The following MAP7 variants were observed in gnomAD, a reference collection of about 807,000 sequenced individuals.
MAP7 encodes ensconsin.
A neutral mutation model predicts 94.8 loss-of-function variants in MAP7; 52 were observed. The ratio of observed to expected loss-of-function variants is 0.55; its 90% CI spans 0.44 to 0.69. The LOEUF (loss-of-function observed/expected upper bound fraction) is 0.69. Ranked by LOEUF, MAP7 falls within the 30% of genes least tolerant of loss-of-function variation. MAP7 has a pLI of 0.00. For missense variants in MAP7, 940 were observed against 964.6 expected (o/e 0.97, Z 0.34); for synonymous variants, 350 against 357.0 (o/e 0.98, Z 0.22).
chr6:136,499,841 T>C (rs9494531), intron 1 of MAP7, among the ~76,000 whole-genome samples: 11,546 of 151,864 alleles, frequency 0.076, 1,009 homozygotes, highest in African/African-American at 0.21. Context: ...TCTACAAAAA[T>C]TAAAATGAGC....
chr6:136,416,615 G>A (rs536290100), intron 2 of MAP7, among the ~76,000 whole-genome samples: 1 of 152,064 alleles, frequency 6.6e-6, no homozygotes, highest in South Asian at 2.1e-4. Context: ...AGACCAGCCT[G>A]GGCAACATGG....
At chr6:136,519,228 G>T (rs1246403169) in intron 1 of MAP7, among the ~76,000 whole-genome samples, 2 of 151,992 alleles carry the variant, frequency 1.3e-5, no homozygotes, top group African/African-American at 4.8e-5. Context: ...GATCTCTTCA[G>T]CAAATAAAAG....
At chr6:136,406,099 T>A (rs928493193) in intron 3 of MAP7, among the ~76,000 whole-genome samples, 43 of 152,160 alleles carry the variant, frequency 2.8e-4, no homozygotes, top group African/African-American at 1.0e-3. Context: ...GAATAAAAAA[T>A]TTATGTTGTT....
At chr6:136,430,015 G>C (rs1794442804) in intron 1 of MAP7, among the ~76,000 whole-genome samples, 1 of 152,178 alleles carries the variant, frequency 6.6e-6, no homozygotes, top group Non-Finnish European at 1.5e-5. Flanking sequence ...ACACAAAAGG[G>C]AGGGCAAAGT....
intron 1 of MAP7, among the ~76,000 whole-genome samples, chr6:136,492,468 A>G (rs985677256): frequency 5.3e-5 from 8 of 152,218 alleles, no homozygotes; most frequent in Admixed American, 3.9e-4. Flanking sequence ...CATCTGTTGC[A>G]AAAGTATGTG....
rs766447512 is a variant in MAP7 at position 136,389,446 on chromosome 6, G to C, written c.316C>G (p.Arg106Gly). 2 of 1,602,470 alleles carry C rather than the reference G, an allele frequency of 1.2e-6. No individual in the cohort carries two copies. Among genetic ancestry groups the C allele is most frequent in the Non-Finnish European group, 1.7e-6 (2 of 1,176,002 alleles). ...RQHYEKHLEE[R>G]KKRLEEQRQK... The stretch of plus-strand genomic sequence containing the variant: ...CTCTGCTCCTCCAACCTCTTCTTCC[G>C]CTCTTCCAGGTGCTTCTCGTAGTGC... Residue 106 changes from arginine to glycine, a missense_variant, in exon 4 of 18, where the codon CGG (arginine) becomes GGG (glycine). Physicochemically the swap from Arg to Gly is moderately radical, Grantham distance 125 (BLOSUM62 -2). Coordinates refer to ENST00000354570, the MANE Select transcript of MAP7 (RefSeq NM_003980.6).
chr6:136,422,465 T>C (rs996764604), intron 1 of MAP7, among the ~76,000 whole-genome samples: 2 of 152,226 alleles, frequency 1.3e-5, no homozygotes, highest in Non-Finnish European at 2.9e-5. Flanking sequence ...ACTTTAACTC[T>C]AATTTATCTA....
chr6:136,353,849 G>A (rs1455734399), intron 16 of MAP7, among the ~76,000 whole-genome samples: 3 of 152,012 alleles, frequency 2.0e-5, no homozygotes, highest in Non-Finnish European at 4.4e-5. Flanking sequence ...CACCATGCCC[G>A]GCTGGTATTT....
intron 1 of MAP7, among the ~76,000 whole-genome samples, chr6:136,538,117 A>G (rs909678327): frequency 6.6e-6 from 1 of 152,222 alleles, no homozygotes; most frequent in Admixed American, 6.5e-5. Context: ...CTAAATTCCA[A>G]GTTGAACAAG....
At chr6:136,443,923 A>G (rs902503760) in intron 1 of MAP7, among the ~76,000 whole-genome samples, 1 of 152,190 alleles carries the variant, frequency 6.6e-6, no homozygotes, top group African/African-American at 2.4e-5. Context: ...GCCTTGCTTC[A>G]TGCAAGTGAA....
At chr6:136,434,143 T>TA (rs2128815573) in intron 1 of MAP7, among the ~76,000 whole-genome samples, 1 of 151,752 alleles carries the variant, frequency 6.6e-6, no homozygotes, top group African/African-American at 2.4e-5. Flanking sequence ...CCGTCTCTAC[T>TA]AAAAAATACA....
At chr6:136,355,948 T>C (rs1008731540) in intron 16 of MAP7, among the ~76,000 whole-genome samples, 10 of 152,218 alleles carry the variant, frequency 6.6e-5, no homozygotes, top group African/African-American at 2.4e-4. Flanking sequence ...GACTGTTTTC[T>C]AGGCTGTTGT....
chr6:136,364,444 C>A, intron 10 of MAP7: 1 of 290,796 alleles, frequency 3.4e-6, no homozygotes, highest in Non-Finnish European at 6.6e-6. Context: ...AGGATATGGG[C>A]TTTGGTCTTT....
intron 3 of MAP7, among the ~76,000 whole-genome samples, chr6:136,411,233 A>AT (rs1398264803): frequency 6.6e-6 from 1 of 152,242 alleles, no homozygotes; most frequent in Non-Finnish European, 1.5e-5. Flanking sequence ...GCACCTGTCT[A>AT]TAAGTTCAAT....
At chr6:136,406,309 C>T (rs1049115057) in intron 3 of MAP7, among the ~76,000 whole-genome samples, 12 of 152,142 alleles carry the variant, frequency 7.9e-5, no homozygotes, top group South Asian at 6.2e-4. Flanking sequence ...GAATGGGAGT[C>T]AACATAGCAC....
intron 1 of MAP7, among the ~76,000 whole-genome samples, chr6:136,442,948 A>C (rs569475084): frequency 6.6e-6 from 1 of 152,338 alleles, no homozygotes; most frequent in South Asian, 2.1e-4. Context: ...TAAATGCATA[A>C]ATCAAAAACA....
At chr6:136,443,078 A>G (rs1032165595) in intron 1 of MAP7, among the ~76,000 whole-genome samples, 1 of 152,212 alleles carries the variant, frequency 6.6e-6, no homozygotes, top group Admixed American at 6.5e-5. Context: ...CCCTAGAATT[A>G]TATGTGCTCC....
Position 136,493,603 on chromosome 6 carries a change from G to A in MAP7, c.67+56739C>T, listed in dbSNP as rs529376489. Among the ~76,000 whole-genome samples, 16 of 152,130 alleles carry A rather than the reference G, an allele frequency of 1.1e-4. 1 individual carries two copies. Among genetic ancestry groups the A allele is most frequent in the Non-Finnish European group, 1.2e-4 (8 of 68,034 alleles). ...GCTTCTATTTTCAACTTTTGAAGAA[G>A]GGAGACTAAGAGACCATCTGTCAGT... is the stretch of plus-strand genomic sequence containing the variant. On this transcript the variant is annotated intron_variant, in intron 1 of 17. Transcript: ENST00000354570.
At chr6:136,474,674 A>C (rs1810258405) in intron 1 of MAP7, among the ~76,000 whole-genome samples, 1 of 152,062 alleles carries the variant, frequency 6.6e-6, no homozygotes, top group East Asian at 1.9e-4. Context: ...TATTTTATGT[A>C]GTTTATTCTA....
Sources: allele counts gnomAD v4.1 joint callset (sites outside exome capture counted in the v4.1 genomes callset), GRCh38; gene constraint gnomAD v4.1.1; transcripts MANE v1.5; gene names NCBI Gene and HGNC (gene_info 2026-07-23, HGNC 2026-07-21).